Variants in NMT1 observed in about 807,000 individuals in gnomAD.
NMT1 encodes N-myristoyltransferase 1, also known as glycylpeptide N-tetradecanoyltransferase 1.
Under a neutral mutation model 63.4 loss-of-function variants are expected in NMT1, and 12 were observed. The ratio of observed to expected loss-of-function variants is 0.19; its 90% confidence interval spans 0.12 to 0.31. The LOEUF (loss-of-function observed/expected upper bound fraction) is 0.31, where lower values mean the gene tolerates loss of function less well. Among genes scored for constraint, NMT1 ranks in the 10% least tolerant of loss-of-function variants. NMT1 has a pLI of 1.00. For synonymous variants in NMT1, 228 were observed against 234.3 expected (o/e 0.97, Z 0.25); for missense variants, 432 against 634.6 (o/e 0.68, Z 3.43).
Position 45,081,707 on chromosome 17 carries a change from A to G in NMT1, c.195A>G (p.Lys65=). ...KKKKKKQKKK[K]EKGSETDSAQ... ...AGAAAAAGAAACAAAAAAAGAAGAA[A>G]GAAAAAGGCAGTGAGACAGATTCAG... The change falls in exon 2 of 12, where the codon AAA becomes AAG. Residue 65 remains lysine, a synonymous_variant. Coordinates refer to ENST00000258960, the MANE Select transcript of NMT1 (RefSeq NM_021079.5). The G allele has an allele frequency of 6.2e-7, 1 of 1,603,920 alleles. No individual in the cohort carries two copies.
Position 45,097,258 on chromosome 17 carries a change from C to T in NMT1, c.713+14C>T, listed in dbSNP as rs202194183. 1.5e-5 allele frequency: 23 copies of T among 1,559,162 alleles called. No individual in the cohort carries two copies. The South Asian group carries it at 2.3e-4, about 16-fold the overall frequency. On this transcript the variant is annotated intron_variant, in intron 6 of 11. Transcript: ENST00000258960. The stretch of plus-strand genomic sequence containing the variant: ...TATCTATGACACGTAAGCACCTGCA[C>T]CTACCCCCACCCCCCACAACACCGC...
At chr17:45,088,985 G>C (rs1379759950) in intron 3 of NMT1, among the ~76,000 whole-genome samples, 2 of 152,212 alleles carry the variant, frequency 1.3e-5, no homozygotes, top group African/African-American at 4.8e-5. Context: ...CTTCTGTGCA[G>C]TGTGTGGTGT....
chr17:45,095,790 G>C (rs2143509430), intron 4 of NMT1, among the ~76,000 whole-genome samples: 1 of 152,166 alleles, frequency 6.6e-6, no homozygotes, highest in South Asian at 2.1e-4. Context: ...AGGAAAAAAG[G>C]CCTTTGTTTG....
chr17:45,101,640 GGAAA>G (rs1433467336), intron 8 of NMT1, among the ~76,000 whole-genome samples: 6 of 115,072 alleles, frequency 5.2e-5, no homozygotes, highest in Admixed American at 5.2e-4. Context: ...AAAAAAAAAA[GGAAA>G]GAAAGAAAAA....
chr17:45,103,640 A>T lies in NMT1; in HGVS notation c.1165-69A>T, dbSNP rs2054182615. 6.7e-7 allele frequency: 1 copy of T among 1,489,370 alleles called. No homozygotes were observed. Among genetic ancestry groups the T allele is most frequent in the Admixed American group, 2.0e-5 (1 of 51,108 alleles). The allele number at this position is 1,489,370 out of a possible 1,614,324, so 92.3% of individuals were successfully genotyped here. A position where few individuals can be genotyped will look rare whatever the true frequency, so the allele number is the denominator to read the frequency against. On this transcript the variant is annotated intron_variant, in intron 9 of 11. Transcript: ENST00000258960. This position sits in a 1 kb window ranked among gnomAD's most constrained non-coding sequence, Gnocchi z 4.8. Reference sequence around the variant, plus strand: ...GCTGCCTGAAGGTGGAGTGAGAGAAACATTTTGTTCCCGGGCCGCAGTGCC... The same window carrying T: ...GCTGCCTGAAGGTGGAGTGAGAGAATCATTTTGTTCCCGGGCCGCAGTGCC...
chr17:45,100,911 GTGGCTCACACCT>G (rs1295616459), intron 8 of NMT1, among the ~76,000 whole-genome samples: 2 of 141,914 alleles, frequency 1.4e-5, no homozygotes, highest in African/African-American at 5.2e-5. Flanking sequence ...GCCAGGCGCG[GTGGCTCACACCT>G]GTAATCCCAG....
At chr17:45,075,198 A>G (rs996244664) in intron 1 of NMT1, among the ~76,000 whole-genome samples, 2 of 152,160 alleles carry the variant, frequency 1.3e-5, no homozygotes, top group African/African-American at 4.8e-5. Flanking sequence ...AAAAATGAAC[A>G]AACAGCCAGG....
chr17:45,104,196 TG>T lies in NMT1; in HGVS notation c.1332+323del. ...GCTTCTCCTCACAGCTTTCCCAGCGTGGGAAAGGGGTGATTGCTGTCTGTCG... is the reference window on the plus strand; with the variant it reads ...GCTTCTCCTCACAGCTTTCCCAGCGTGGAAAGGGGTGATTGCTGTCTGTCG... On this transcript the variant is annotated intron_variant, in intron 10 of 11. Coordinates refer to ENST00000258960, the MANE Select transcript of NMT1 (RefSeq NM_021079.5). The surrounding 1 kb of genome is among the most constrained non-coding windows in gnomAD (Gnocchi z 4.2). 7.9e-7 allele frequency: 1 copy of T among 1,258,206 alleles called. No homozygotes were observed. 77.9% of individuals were successfully genotyped at this position (1,258,206 alleles called of 1,614,324 possible).
At chr17:45,080,419 C>T (rs1050799617) in intron 1 of NMT1, among the ~76,000 whole-genome samples, 21 of 151,822 alleles carry the variant, frequency 1.4e-4, no homozygotes, top group Middle Eastern at 3.4e-3. Flanking sequence ...CTTGGCCTCC[C>T]AAAGTGCTGA....
At chr17:45,092,445 GTTTGGAC>G (rs1412322326) in intron 3 of NMT1, among the ~76,000 whole-genome samples, 1 of 151,622 alleles carries the variant, frequency 6.6e-6, no homozygotes, top group Admixed American at 6.6e-5. Flanking sequence ...AGAATGAAAT[GTTTGGAC>G]TTTGGGAGGC....
chr17:45,095,541 G>A (rs1249889591), intron 4 of NMT1, among the ~76,000 whole-genome samples: 2 of 152,112 alleles, frequency 1.3e-5, no homozygotes, highest in Admixed American at 1.3e-4. Context: ...TGGGAAGATC[G>A]ATTGAGCCCA....
At chr17:45,084,018 A>G (rs954389601) in intron 2 of NMT1, among the ~76,000 whole-genome samples, 3 of 152,340 alleles carry the variant, frequency 2.0e-5, no homozygotes, top group Admixed American at 6.5e-5. Flanking sequence ...TTATAATCTA[A>G]GTGAAAAACA....
At chr17:45,095,110 CTTTTT>C (rs36075240) in intron 4 of NMT1, among the ~76,000 whole-genome samples, 1 of 141,812 alleles carries the variant, frequency 7.1e-6, no homozygotes, top group Admixed American at 7.0e-5. Flanking sequence ...TGCGCCCAGT[CTTTTT>C]TTTTTTTTTG....
At chr17:45,078,484 C>T (rs182908709) in intron 1 of NMT1, among the ~76,000 whole-genome samples, 2 of 151,856 alleles carry the variant, frequency 1.3e-5, no homozygotes, top group East Asian at 1.9e-4. Context: ...CACTTTCTCC[C>T]TGTATATATA....
In NMT1 at chr17:45,104,506, A is replaced by T; in HGVS notation, c.1333-353A>T. 1 of 1,117,666 alleles carries T rather than the reference A, an allele frequency of 8.9e-7. No individual in the cohort carries two copies. Among genetic ancestry groups the T allele is most frequent in the Non-Finnish European group, 1.1e-6 (1 of 910,350 alleles). 69.2% of individuals were successfully genotyped at this position (1,117,666 alleles called of 1,614,324 possible). A position where few individuals can be genotyped will look rare whatever the true frequency, so the allele number is the denominator to read the frequency against. Reference sequence around the variant, plus strand: ...CAACACAAACCCCATGTAGCTGACCAGAGCCAGCTTCTCAGAGGAATGGGC... The same window carrying T: ...CAACACAAACCCCATGTAGCTGACCTGAGCCAGCTTCTCAGAGGAATGGGC... On this transcript the variant is annotated intron_variant, in intron 10 of 11. Transcript: ENST00000258960. This position sits in a 1 kb window ranked among gnomAD's most constrained non-coding sequence, Gnocchi z 4.2.
intron 3 of NMT1, among the ~76,000 whole-genome samples, chr17:45,091,187 GACACACACACACACACACACACACAC>G (rs3062356): frequency 7.4e-5 from 9 of 120,982 alleles, no homozygotes; most frequent in Admixed American, 5.9e-4. Flanking sequence ...GGTCTTTCCT[GACACACACACACACACACACACACAC>G]ACACACACAC....
At chr17:45,100,764 G>A (rs963498341) in intron 8 of NMT1, among the ~76,000 whole-genome samples, 1 of 145,430 alleles carries the variant, frequency 6.9e-6, no homozygotes, top group Non-Finnish European at 1.5e-5. Flanking sequence ...TTGGGAGGCT[G>A]AGGCAGGAGA....
In NMT1 at chr17:45,103,888, A is replaced by AC; in HGVS notation, c.1332+13dup. On this transcript the variant is annotated intron_variant, in intron 10 of 11. Coordinates refer to ENST00000258960, the MANE Select transcript of NMT1 (RefSeq NM_021079.5). This position sits in a 1 kb window ranked among gnomAD's most constrained non-coding sequence, Gnocchi z 4.8. The stretch of plus-strand genomic sequence containing the variant: ...TCCTCGCCAAAATGGTGAGGAGCAG[A>AC]CGGGGGGGTCTCTGGAGATGTGCAG... 6.2e-7 allele frequency: 1 copy of AC among 1,613,294 alleles called. No homozygotes were observed. The highest frequency in any genetic ancestry group is 8.5e-7 in the Non-Finnish European group (1 of 1,180,008).
At chr17:45,075,062 A>C (rs1227546629) in intron 1 of NMT1, among the ~76,000 whole-genome samples, 1 of 152,116 alleles carries the variant, frequency 6.6e-6, no homozygotes, top group Non-Finnish European at 1.5e-5. Flanking sequence ...TGTAGCCCCA[A>C]TTACTCAGGA....
Sources: allele counts gnomAD v4.1 joint callset (sites outside exome capture counted in the v4.1 genomes callset), GRCh38; gene constraint gnomAD v4.1.1; non-coding constraint Gnocchi (gnomAD v3.1); transcripts MANE v1.5; gene names NCBI Gene and HGNC (gene_info 2026-07-23, HGNC 2026-07-21).